INSC: variants seen among roughly 807,000 people sequenced by gnomAD.
The protein encoded by INSC is protein inscuteable homolog.
In INSC, 67 loss-of-function variants were observed where a neutral mutation model predicts 58.6. The ratio of observed to expected loss-of-function variants is 1.14; its 90% CI spans 0.94 to 1.40. The LOEUF (loss-of-function observed/expected upper bound fraction) is 1.40. Among genes scored for constraint, INSC ranks in the 40% most tolerant of loss-of-function variants. INSC has a pLI of 0.00. For missense variants in INSC, 714 were observed against 692.0 expected (o/e 1.03, Z -0.36); for synonymous variants, 262 against 276.1 (o/e 0.95, Z 0.51).
chr11:15,233,200 C>T (rs532245472), intron 9 of INSC, among the ~76,000 whole-genome samples: 2 of 152,300 alleles, frequency 1.3e-5, no homozygotes, highest in Non-Finnish European at 2.9e-5. Context: ...ATTCACCAAA[C>T]AAATGCAGGG....
the INSC span, among the ~76,000 whole-genome samples, chr11:15,263,640 A>G: frequency 6.6e-6 from 1 of 152,174 alleles, no homozygotes; most frequent in African/African-American, 2.4e-5. Flanking sequence ...GCTTAAAAAC[A>G]CACAAATGTA....
At position 15,238,913 on chromosome 11, in the gene INSC, GCC is replaced by G. The variant is rs749650384; in HGVS notation, c.1238-5_1238-4del. 4 of 1,613,088 alleles carry G rather than the reference GCC, an allele frequency of 2.5e-6. No individual in the cohort carries two copies. The African/African-American group carries it at 5.3e-5, about 22-fold the overall frequency. ...AGGTACCAACTGTTCCTTGCTTCCT[GCC>G]TAGGGGTCCAGCTTATCATGGGCAT... On this transcript the variant is annotated splice_region_variant and splice_polypyrimidine_tract_variant and intron_variant, in intron 10 of 12. Transcript: ENST00000379556.
chr11:15,236,055 CAAAAAAAA>C (rs66649068), intron 10 of INSC, among the ~76,000 whole-genome samples: 3 of 99,042 alleles, frequency 3.0e-5, no homozygotes, highest in Non-Finnish European at 4.1e-5. Context: ...GACTCTGTCT[CAAAAAAAA>C]AAAAAAAAAA....
chr11:15,239,145 C>T, intron 11 of INSC, 71 bp downstream of exon 11: 1 of 1,512,382 alleles, frequency 6.6e-7, no homozygotes, highest in Non-Finnish European at 8.9e-7. Flanking sequence ...TCTGATTTCA[C>T]AGTGGCAACA....
rs541204443 is a variant in INSC at position 15,125,355 on chromosome 11, T to C, written c.-46+10352T>C. ...AGCTCATGAAGGCTCTTGTGGGTTA[T>C]TTGAAGAACGTTGGCTTTTAATATG... On this transcript the variant is annotated intron_variant, in intron 1 of 12. Coordinates refer to ENST00000379556, the MANE Select transcript of INSC (RefSeq NM_001042536.3). 2.2e-4 allele frequency among the ~76,000 whole-genome samples: 33 copies of C among 152,342 alleles called. No homozygotes were observed. The East Asian group carries it at 4.8e-3, about 22-fold the overall frequency.
At chr11:15,186,424 T>A (rs969807694) in intron 5 of INSC, among the ~76,000 whole-genome samples, 42 of 152,210 alleles carry the variant, frequency 2.8e-4, no homozygotes, top group African/African-American at 9.9e-4. Context: ...ACTTTTCTGC[T>A]TTTATTTCCC....
intron 12 of INSC, among the ~76,000 whole-genome samples, chr11:15,245,639 A>G (rs1238350990): frequency 6.6e-6 from 1 of 152,214 alleles, no homozygotes; most frequent in Non-Finnish European, 1.5e-5. Flanking sequence ...GAAATAATAA[A>G]GACCATTATT....
At chr11:15,114,858 A>G (rs1847652860), upstream of INSC, 1 of 780,746 alleles carries the variant, frequency 1.3e-6, no homozygotes, top group African/African-American at 2.8e-5. Flanking sequence ...CGGGCGGGGG[A>G]GAACGGGGCG....
intron 7 of INSC, among the ~76,000 whole-genome samples, chr11:15,215,082 G>T (rs560511044): frequency 6.6e-6 from 1 of 152,030 alleles, no homozygotes; most frequent in Non-Finnish European, 1.5e-5. Flanking sequence ...CTCAGCATTC[G>T]CCAGCCCCTT....
the INSC span, among the ~76,000 whole-genome samples, chr11:15,263,572 C>T: frequency 4.6e-5 from 7 of 152,218 alleles, no homozygotes; most frequent in South Asian, 1.4e-3. Flanking sequence ...GAAATACTGT[C>T]AATGTATCGT....
At chr11:15,216,374 A>C (rs1419769829) in intron 7 of INSC, among the ~76,000 whole-genome samples, 2 of 152,192 alleles carry the variant, frequency 1.3e-5, no homozygotes, top group African/African-American at 2.4e-5. Context: ...TTGTAAGCAT[A>C]TGATTTCTCT....
intron 6 of INSC, among the ~76,000 whole-genome samples, chr11:15,196,109 G>A (rs760731716): frequency 8.5e-5 from 13 of 152,230 alleles, no homozygotes; most frequent in Admixed American, 2.6e-4. Flanking sequence ...ATGACCAGGA[G>A]TTGTTTAAAG....
At chr11:15,169,530 GTTGT>G (rs751817712) in intron 2 of INSC, among the ~76,000 whole-genome samples, 30 of 131,792 alleles carry the variant, frequency 2.3e-4, no homozygotes, top group South Asian at 1.7e-3. Context: ...TGTTGTTGTT[GTTGT>G]TTGTTTGTTT....
chr11:15,123,006 C>A (rs1847910871), intron 1 of INSC, among the ~76,000 whole-genome samples: 1 of 152,210 alleles, frequency 6.6e-6, no homozygotes, highest in African/African-American at 2.4e-5. Flanking sequence ...ACCCAGCACT[C>A]CCTCCCTGGC....
At chr11:15,202,611 T>A (rs1163683296) in intron 7 of INSC, among the ~76,000 whole-genome samples, 1 of 152,216 alleles carries the variant, frequency 6.6e-6, no homozygotes, top group African/African-American at 2.4e-5. Context: ...TTGGATAGTG[T>A]ACAAACGACC....
At chr11:15,199,902 G>A (rs185701331) in intron 6 of INSC, among the ~76,000 whole-genome samples, 4 of 152,236 alleles carry the variant, frequency 2.6e-5, no homozygotes, top group Admixed American at 1.3e-4. Flanking sequence ...GGTTTGCTTG[G>A]CACCTTGGTT....
intron 5 of INSC, among the ~76,000 whole-genome samples, chr11:15,180,646 G>T (rs974270414): frequency 2.1e-5 from 3 of 140,422 alleles, no homozygotes; most frequent in Admixed American, 1.6e-4. Flanking sequence ...CCCTGTTAGA[G>T]TGGGTTCCTT....
intron 5 of INSC, among the ~76,000 whole-genome samples, chr11:15,185,618 CTT>C (rs957534630): frequency 2.6e-5 from 4 of 151,484 alleles, no homozygotes; most frequent in African/African-American, 4.8e-5. Flanking sequence ...CACTTTAAAA[CTT>C]AAATATATTA....
At chr11:15,220,438 A>C (rs747388717) in intron 7 of INSC, among the ~76,000 whole-genome samples, 11 of 152,174 alleles carry the variant, frequency 7.2e-5, no homozygotes, top group Non-Finnish European at 1.6e-4. Context: ...TTTCTCCAGC[A>C]AATCTTGTGT....
Sources: gnomAD v4.1 joint callset for allele counts (sites outside exome capture counted in the v4.1 genomes callset) on GRCh38, gnomAD v4.1.1 for gene constraint, MANE v1.5 for transcripts, NCBI Gene and HGNC (gene_info 2026-07-23, HGNC 2026-07-21) for gene names.